The following ANXA7 variants were observed in gnomAD, a reference collection of about 807,000 sequenced individuals.
ANXA7 encodes annexin VII.
In ANXA7, 55 loss-of-function variants were observed where a neutral mutation model predicts 64.9. The ratio of observed to expected loss-of-function variants is 0.85; its 90% confidence interval spans 0.68 to 1.06. ANXA7 has a LOEUF of 1.06. Among genes scored for constraint, ANXA7 ranks in the 50% least tolerant of loss-of-function variants. ANXA7 has a pLI of 0.00. For missense variants in ANXA7, 548 were observed against 582.1 expected (o/e 0.94, Z 0.60); for synonymous variants, 200 against 192.4 (o/e 1.04, Z -0.33).
intron 12 of ANXA7, 123 bp from the exon 13 acceptor site, chr10:73,376,340 T>C (rs1042428522): frequency 3.4e-6 from 3 of 892,964 alleles, no homozygotes; most frequent in African/African-American, 3.4e-5. Context: ...ACCAAGTGAC[T>C]GACATTTTAT....
chr10:73,384,700 C>T (rs568720567), intron 7 of ANXA7, among the ~76,000 whole-genome samples: 81 of 151,544 alleles, frequency 5.3e-4, no homozygotes, highest in Admixed American at 9.2e-4. Context: ...TGTGCCCAGC[C>T]GATATTGTTC....
intron 1 of ANXA7, among the ~76,000 whole-genome samples, chr10:73,410,669 C>A (rs746357685): frequency 4.0e-5 from 6 of 151,388 alleles, no homozygotes; most frequent in Non-Finnish European, 7.4e-5. Context: ...GTAATCCCAG[C>A]TACTTGGGAG....
At position 73,410,503 on chromosome 10, in the gene ANXA7, G is replaced by T. The variant is rs2055821999; in HGVS notation, c.-2+3509C>A. On this transcript the variant is annotated intron_variant, in intron 1 of 12. Coordinates refer to ENST00000372921, the MANE Select transcript of ANXA7 (RefSeq NM_001156.5). ...TTATTCTTAAAAAGTCAAAAAATGGGCCGGGCGCGGTAGCCCCCATCTGTA... is the reference window on the plus strand; with the variant it reads ...TTATTCTTAAAAAGTCAAAAAATGGTCCGGGCGCGGTAGCCCCCATCTGTA... Among the ~76,000 whole-genome samples the T allele has an allele frequency of 2.0e-5, 3 of 152,198 alleles. No homozygotes were observed. The South Asian group carries it at 6.2e-4, about 32-fold the overall frequency.
intron 1 of ANXA7, among the ~76,000 whole-genome samples, chr10:73,406,143 A>G (rs908584584): frequency 9.9e-5 from 15 of 152,036 alleles, no homozygotes; most frequent in Non-Finnish European, 2.1e-4. Context: ...TTTAGTAGAG[A>G]CAGGGTTTCG....
intron 1 of ANXA7, among the ~76,000 whole-genome samples, chr10:73,406,127 T>C (rs974126563): frequency 6.6e-6 from 1 of 152,188 alleles, no homozygotes. Flanking sequence ...GGCTAATTTA[T>C]TGTATTTTAG....
intron 11 of ANXA7, 85 bp from the exon 12 acceptor site, chr10:73,379,108 C>G: frequency 1.1e-6 from 1 of 870,302 alleles, no homozygotes; most frequent in Non-Finnish European, 1.7e-6. Flanking sequence ...TTATAGCCTG[C>G]CTTTGATTAT....
intron 7 of ANXA7, among the ~76,000 whole-genome samples, chr10:73,384,648 G>A (rs147873015): frequency 3.9e-4 from 60 of 151,978 alleles, no homozygotes; most frequent in South Asian, 1.5e-3. Context: ...TGATACACCC[G>A]CCTTGGCCTC....
In ANXA7 at chr10:73,387,750, G is replaced by T; in HGVS notation, c.572C>A (p.Ala191Asp). The T allele has an allele frequency of 6.2e-7, 1 of 1,613,592 alleles. No individual in the cohort carries two copies. Among genetic ancestry groups the T allele is most frequent in the Non-Finnish European group, 8.5e-7 (1 of 1,179,956 alleles). The change falls in exon 7 of 13, where the codon GCC becomes GAC. Residue 191 changes from alanine (A) to aspartate (D), a missense_variant. Coordinates refer to ENST00000372921, the MANE Select transcript of ANXA7 (RefSeq NM_001156.5). ...TDEQAIVDVV[A>D]NRSNDQRQKI... ...TTGCCTCTGATCATTGGAACGGTTG[G>T]CCACCACATCCACAATTGCCTGCTC...
Position 73,398,133 on chromosome 10 carries a change from G to C in ANXA7, c.259+48C>G, listed in dbSNP as rs753915234. 28 of 1,560,838 alleles carry C rather than the reference G, an allele frequency of 1.8e-5. No homozygotes were observed. In the East Asian group the frequency reaches 6.3e-4, roughly 35 times the overall value. On this transcript the variant is annotated intron_variant, in intron 3 of 12. Coordinates refer to ENST00000372921, the MANE Select transcript of ANXA7 (RefSeq NM_001156.5). ...AAGAGGATAAAGGGAGAAGGAAAAAGTGCTACAGCAATCCCAATCATTACT... is the reference window on the plus strand; with the variant it reads ...AAGAGGATAAAGGGAGAAGGAAAAACTGCTACAGCAATCCCAATCATTACT...
At chr10:73,409,092 C>G (rs1320321691) in intron 1 of ANXA7, among the ~76,000 whole-genome samples, 3 of 152,148 alleles carry the variant, frequency 2.0e-5, no homozygotes, top group Non-Finnish European at 4.4e-5. Context: ...AAAGCATTCC[C>G]CCTGAGAACA....
chr10:73,401,312 T>C (rs2055662097), intron 1 of ANXA7, among the ~76,000 whole-genome samples: 1 of 152,104 alleles, frequency 6.6e-6, no homozygotes, highest in Admixed American at 6.5e-5. Context: ...TATTTCTCTT[T>C]TCAAAAGAGT....
intron 12 of ANXA7, among the ~76,000 whole-genome samples, chr10:73,378,259 T>G (rs1052120274): frequency 6.6e-6 from 1 of 151,282 alleles, no homozygotes; most frequent in Non-Finnish European, 1.5e-5. Context: ...ACACCTGTAG[T>G]CCCAGCTACT....
At chr10:73,403,223 C>T (rs984465204) in intron 1 of ANXA7, among the ~76,000 whole-genome samples, 1 of 152,192 alleles carries the variant, frequency 6.6e-6, no homozygotes, top group Non-Finnish European at 1.5e-5. Flanking sequence ...CACAGCGGCT[C>T]ATGCCTGTAA....
chr10:73,404,433 G>A (rs914080117), intron 1 of ANXA7, among the ~76,000 whole-genome samples: 1 of 152,090 alleles, frequency 6.6e-6, no homozygotes, highest in Non-Finnish European at 1.5e-5. Flanking sequence ...TGTGATAATG[G>A]TACTATGATT....
At position 73,397,234 on chromosome 10, in the gene ANXA7, T is replaced by C. The variant is rs757538982; in HGVS notation, c.300A>G (p.Ala100=). 9.3e-6 allele frequency: 15 copies of C among 1,612,796 alleles called. No homozygotes were observed. The highest frequency in any genetic ancestry group is 1.3e-5 in the Non-Finnish European group (15 of 1,179,206). Residue 100 remains alanine (A), a synonymous_variant, in exon 4 of 13, where the codon GCA becomes GCG. Coordinates refer to ENST00000372921, the MANE Select transcript of ANXA7 (RefSeq NM_001156.5). ...GQGFGVPPGG[A]GFSGYPQPPS... is the part of the protein sequence containing the mutation. ...GTGGCTGTGGATACCCAGAAAAGCC[T>C]GCTCCACCTGGTGGGACTCCAAATC...
At chr10:73,408,402 AT>A (rs2055791298) in intron 1 of ANXA7, 1 of 152,078 alleles carries the variant, frequency 6.6e-6, no homozygotes, top group Non-Finnish European at 1.5e-5. Flanking sequence ...GGAAAAAAAA[AT>A]CTGAAAATAA....
intron 4 of ANXA7, 33 bp from the exon 5 acceptor site, chr10:73,396,616 C>A: frequency 1.4e-6 from 2 of 1,403,484 alleles, no homozygotes; most frequent in Admixed American, 1.8e-5. Context: ...AATAATACGG[C>A]AACAGGTCTT....
chr10:73,403,303 A>G (rs2055701395), intron 1 of ANXA7, among the ~76,000 whole-genome samples: 1 of 152,222 alleles, frequency 6.6e-6, no homozygotes, highest in Admixed American at 6.5e-5. Flanking sequence ...AGCCTGGGCA[A>G]CAAAGAAAGA....
At chr10:73,379,359 C>T (rs865792154) in intron 11 of ANXA7, among the ~76,000 whole-genome samples, 1 of 152,132 alleles carries the variant, frequency 6.6e-6, no homozygotes, top group East Asian at 1.9e-4. Context: ...CAAAGTGTTA[C>T]TAATACTCCC....
Sources: allele counts gnomAD v4.1 joint callset (sites outside exome capture counted in the v4.1 genomes callset), GRCh38; gene constraint gnomAD v4.1.1; transcripts MANE v1.5; gene names NCBI Gene and HGNC (gene_info 2026-07-23, HGNC 2026-07-21).